The following ISLR2 variants were observed in gnomAD, a reference collection of about 807,000 sequenced individuals.
ISLR2 encodes the protein immunoglobulin superfamily containing leucine-rich repeat protein 2.
In ISLR2, 16 loss-of-function variants were observed where a neutral mutation model predicts 25.5. The observed-to-expected ratio is 0.63, with a 90% CI of 0.43 to 0.95. The LOEUF (loss-of-function observed/expected upper bound fraction) is 0.95. ISLR2 is among the 40% of genes least tolerant of loss of function. ISLR2 has a pLI of 0.00. For synonymous variants in ISLR2, 508 were observed against 486.6 expected, an observed-to-expected ratio of 1.04 and a Z score of -0.58; for missense variants, 883 against 1,030.7, an observed-to-expected ratio of 0.86 and a Z score of 1.96.
intron 2 of ISLR2, among the ~76,000 whole-genome samples, chr15:74,120,847 CTA>C (rs1345605349): frequency 6.6e-6 from 1 of 152,162 alleles, no homozygotes; most frequent in Non-Finnish European, 1.5e-5. Flanking sequence ...AAAAATAACT[CTA>C]TACACCCAGC....
upstream of ISLR2, among the ~76,000 whole-genome samples, chr15:74,123,852 T>A (rs541223088): frequency 6.6e-6 from 1 of 152,240 alleles, no homozygotes; most frequent in Admixed American, 6.5e-5. Context: ...TTTCAAGAAT[T>A]CCGTGAAAGA....
intron 2 of ISLR2, among the ~76,000 whole-genome samples, chr15:74,119,487 T>G (rs1484212886): frequency 2.0e-5 from 3 of 152,190 alleles, no homozygotes; most frequent in Admixed American, 6.6e-5. Context: ...TGTGAGCCAC[T>G]GCACTCAGCC....
At chr15:74,139,954 A>T (rs1311757283), downstream of ISLR2, among the ~76,000 whole-genome samples, 1 of 151,236 alleles carries the variant, frequency 6.6e-6, no homozygotes, top group Non-Finnish European at 1.5e-5. Context: ...GCAATATGAC[A>T]GCAGTAGCCT....
intron 2 of ISLR2, among the ~76,000 whole-genome samples, chr15:74,111,034 G>A (rs1168205855): frequency 6.6e-6 from 1 of 151,246 alleles, no homozygotes; most frequent in Non-Finnish European, 1.5e-5. Context: ...CAGCTACTCA[G>A]GAGGCTGAGG....
intron 2 of ISLR2, among the ~76,000 whole-genome samples, chr15:74,114,202 A>G (rs1014512919): frequency 6.6e-6 from 1 of 152,202 alleles, no homozygotes; most frequent in Non-Finnish European, 1.5e-5. Context: ...CTATTGCCCA[A>G]TGGCTGAAGA....
At chr15:74,100,379 T>C in exon 1 of ISLR2, 1 of 1,185,076 alleles carries the variant, frequency 8.4e-7, no homozygotes, top group South Asian at 3.7e-5. Flanking sequence ...TGCTGGCGTC[T>C]GCTCCTCCGT....
chr15:74,102,732 G>A (rs533791065), intron 1 of ISLR2, among the ~76,000 whole-genome samples: 2 of 151,904 alleles, frequency 1.3e-5, no homozygotes, highest in Non-Finnish European at 2.9e-5. Flanking sequence ...ATATATGTGA[G>A]AATATGTATA....
chr15:74,133,199 C>G lies in ISLR2; in HGVS notation c.445C>G (p.Leu149Val), dbSNP rs1195763672. The G allele has an allele frequency of 6.2e-7, 1 of 1,613,144 alleles. No homozygotes were observed. The highest frequency in any genetic ancestry group is 1.3e-5 in the African/African-American group (1 of 75,082). ...PRDALGALPD[L>V]RSLRINNNRL... ...GGACGCACTCGGTGCGCTACCCGAC[C>G]TGCGTTCCCTGCGCATCAACAACAA... The change falls in exon 3 of 3, where the codon CTG becomes GTG. Residue 149 changes from leucine to valine, a missense_variant. Leu to Val is a conservative substitution (Grantham distance 32, BLOSUM62 1). Transcript: ENST00000453268.
chr15:74,140,870 T>G (rs946081206), downstream of ISLR2, among the ~76,000 whole-genome samples: 5 of 152,200 alleles, frequency 3.3e-5, no homozygotes, highest in Admixed American at 2.0e-4. Context: ...GAGAATAACA[T>G]TATATTGAAA....
At chr15:74,111,149 A>C (rs941243834) in intron 2 of ISLR2, among the ~76,000 whole-genome samples, 1 of 151,554 alleles carries the variant, frequency 6.6e-6, no homozygotes, top group Non-Finnish European at 1.5e-5. Flanking sequence ...AAAAAAAAAA[A>C]AAAAAAAAAA....
chr15:74,116,253 T>C (rs541216637), intron 2 of ISLR2, among the ~76,000 whole-genome samples: 2 of 151,732 alleles, frequency 1.3e-5, no homozygotes, highest in South Asian at 4.2e-4. Flanking sequence ...AGATATGGGA[T>C]TAAAAGCAGT....
chr15:74,117,269 C>A (rs1327166367), intron 2 of ISLR2, among the ~76,000 whole-genome samples: 2 of 152,300 alleles, frequency 1.3e-5, no homozygotes, highest in African/African-American at 4.8e-5. Flanking sequence ...GAATACCCAG[C>A]CTCCCCTACA....
At chr15:74,139,674 C>T (rs1384954941), downstream of ISLR2, among the ~76,000 whole-genome samples, 1 of 152,196 alleles carries the variant, frequency 6.6e-6, no homozygotes, top group Non-Finnish European at 1.5e-5. Flanking sequence ...CTGGGAGAAC[C>T]TACCAGGTGT....
chr15:74,119,612 C>T (rs2072237123), intron 2 of ISLR2, among the ~76,000 whole-genome samples: 1 of 152,028 alleles, frequency 6.6e-6, no homozygotes, highest in Non-Finnish European at 1.5e-5. Context: ...ATGTTCTTAC[C>T]ACAAAAATAA....
chr15:74,118,714 A>G (rs777520518), intron 2 of ISLR2, among the ~76,000 whole-genome samples: 12 of 151,650 alleles, frequency 7.9e-5, no homozygotes, highest in Admixed American at 2.0e-4. Context: ...CTGGAGTGCA[A>G]TGGTGCAATC....
At chr15:74,107,882 A>G (rs2072133962) in intron 2 of ISLR2, among the ~76,000 whole-genome samples, 1 of 152,144 alleles carries the variant, frequency 6.6e-6, no homozygotes. Context: ...CTCCAGGTAC[A>G]CCTGGGCAGA....
Position 74,134,483 on chromosome 15 carries a change from G to A in ISLR2, c.1729G>A (p.Val577Met), listed in dbSNP as rs750909074. 4 of 1,612,990 alleles carry A rather than the reference G, an allele frequency of 2.5e-6. No homozygotes were observed. The highest frequency in any genetic ancestry group is 1.3e-5 in the African/African-American group (1 of 75,066). The part of the protein sequence containing the change: ...CLALAGEACH[V>M]QVVFSTKKEL... Reference sequence around the variant, plus strand: ...GGCGCTGGCGGGCGAAGCCTGCCACGTGCAAGTGGTGTTTTCCACCAAGAA... The same window carrying A: ...GGCGCTGGCGGGCGAAGCCTGCCACATGCAAGTGGTGTTTTCCACCAAGAA... The change falls in exon 3 of 3, where the codon GTG becomes ATG. Residue 577 changes from valine to methionine, a missense_variant. By Grantham distance (21) the Val-to-Met change is conservative. Transcript: ENST00000453268.
chr15:74,126,347 A>ATTTTTTTTT (rs869162947), upstream of ISLR2: 5 of 93,938 alleles, frequency 5.3e-5, no homozygotes, highest in African/African-American at 1.4e-4. Flanking sequence ...AAGCATAGGT[A>ATTTTTTTTT]TTTTTTTTTT....
chr15:74,136,453 C>T lies in ISLR2; in HGVS notation c.*1461C>T, dbSNP rs2072567421. ...CGTCGCCCCGCCCCACCCGCCCCTG[C>T]TTCGGCGGGAATCGTGTTTGCCCGG... On this transcript the variant is annotated 3_prime_UTR_variant, in exon 3 of 3. Transcript: ENST00000453268. 6.0e-6 allele frequency: 1 copy of T among 165,790 alleles called. No homozygotes were observed. The highest frequency in any genetic ancestry group is 6.5e-5 in the Admixed American group (1 of 15,288). The allele number at this position is 165,790 out of a possible 1,614,324, so 10.3% of individuals were successfully genotyped here. A position where few individuals can be genotyped will look rare whatever the true frequency, so the allele number is the denominator to read the frequency against.
Sources: allele counts gnomAD v4.1 joint callset (sites outside exome capture counted in the v4.1 genomes callset), GRCh38; gene constraint gnomAD v4.1.1; transcripts MANE v1.5; gene names NCBI Gene and HGNC (gene_info 2026-07-23, HGNC 2026-07-21).